The following ENG variants were observed in gnomAD, a reference collection of about 807,000 sequenced individuals.
The protein encoded by ENG is CD105 antigen.
ENG carries 17 observed loss-of-function variants against 71.0 expected under a neutral mutation model. That is an observed-to-expected ratio of 0.24 (90% CI 0.16 to 0.36). The LOEUF is 0.36. Among genes scored for constraint, ENG ranks in the 10% least tolerant of loss-of-function variants. The pLI is 1.00. For missense variants in ENG, 749 were observed against 868.3 expected (o/e 0.86, Z 1.73); for synonymous variants, 360 against 366.9 (o/e 0.98, Z 0.21).
At chr9:127,828,865 A>G (rs897457204) in intron 3 of ENG, among the ~76,000 whole-genome samples, 2 of 151,370 alleles carry the variant, frequency 1.3e-5, no homozygotes, top group Non-Finnish European at 2.9e-5. Flanking sequence ...CCCCTTTGCT[A>G]TCTTTGCTCT....
At chr9:127,816,333 G>C in intron 13 of ENG, 1 of 529,684 alleles carries the variant, frequency 1.9e-6, no homozygotes, top group Admixed American at 3.1e-5. Flanking sequence ...AGGGAGGATG[G>C]ATGGGGTAAC....
chr9:127,815,502 G>C lies in ENG; in HGVS notation c.*180C>G, dbSNP rs1036706837. The C allele has an allele frequency of 7.9e-7, 1 of 1,266,202 alleles. No homozygotes were observed. The highest frequency in any genetic ancestry group is 1.1e-6 in the Non-Finnish European group (1 of 943,992). 78.4% of individuals were successfully genotyped at this position (1,266,202 alleles called of 1,614,324 possible). ...CTGTGGGGTGGAGGGACCCCAAGGT[G>C]TTCCAAGCCAGTGGCTGCACTGGCA... On this transcript the variant is annotated 3_prime_UTR_variant, in exon 15 of 15. Coordinates refer to ENST00000373203, the MANE Select transcript of ENG (RefSeq NM_001114753.3).
chr9:127,815,656 T>C lies in ENG; in HGVS notation c.*26A>G. On this transcript the variant is annotated 3_prime_UTR_variant, in exon 15 of 15. Transcript: ENST00000373203. ...CAGCTGGCGGCTGCTCAGTCTCTCCTGCTGGGCGAGCGCGGGGGGCCGGGG... is the reference window on the plus strand; with the variant it reads ...CAGCTGGCGGCTGCTCAGTCTCTCCCGCTGGGCGAGCGCGGGGGGCCGGGG... 1 of 1,547,178 alleles carries C rather than the reference T, an allele frequency of 6.5e-7. No individual in the cohort carries two copies. The highest frequency in any genetic ancestry group is 8.7e-7 in the Non-Finnish European group (1 of 1,153,388).
chr9:127,819,749 G>C (rs1217767254), intron 9 of ENG, 89 bp from the exon 10 acceptor site: 6 of 1,588,836 alleles, frequency 3.8e-6, no homozygotes, highest in Non-Finnish European at 5.1e-6. Context: ...CAGATGGGGA[G>C]ACTAAGCCAA....
Position 127,846,338 on chromosome 9 carries a change from G to T in ENG, c.68-3093C>A, listed in dbSNP as rs191899317. On this transcript the variant is annotated intron_variant, in intron 1 of 14. Transcript: ENST00000373203. This position sits in a 1 kb window ranked among gnomAD's most constrained non-coding sequence, Gnocchi z 5.5. ...GGGAGACTGAGGTCTGGAGGGACGGGACAGGTCAAAGTCTCACAGCACATG... is the reference window on the plus strand; with the variant it reads ...GGGAGACTGAGGTCTGGAGGGACGGTACAGGTCAAAGTCTCACAGCACATG... 6.6e-6 allele frequency among the ~76,000 whole-genome samples: 1 copy of T among 152,286 alleles called. No homozygotes were observed. Among genetic ancestry groups the T allele is most frequent in the East Asian group, 1.9e-4 (1 of 5,188 alleles).
In ENG at chr9:127,826,786, G is replaced by T. The variant is rs930626363; in HGVS notation, c.361-114C>A. ...TCAGCCCATTGGCTGAGAGAAAGAG[G>T]CCGGAGCTGAGAATGCTGGCTGGTG... is the stretch of plus-strand genomic sequence containing the variant. On this transcript the variant is annotated intron_variant, in intron 3 of 14. Transcript: ENST00000373203. 2.2e-6 allele frequency: 3 copies of T among 1,391,270 alleles called. No homozygotes were observed. The African/African-American group carries it at 4.3e-5, about 20-fold the overall frequency. 86.2% of individuals were successfully genotyped at this position (1,391,270 alleles called of 1,614,324 possible).
chr9:127,818,022 G>A lies in ENG; in HGVS notation c.1686+98C>T, dbSNP rs1038649965. The A allele has an allele frequency of 1.2e-5, 19 of 1,586,946 alleles. No individual in the cohort carries two copies. In the African/African-American group the frequency reaches 1.9e-4, roughly 16 times the overall value. ...CTGATTAAGGCTCCGCCCCTCACCA[G>A]CTGGCCCCACATCCCTGTGGGCTGC... On this transcript the variant is annotated intron_variant, in intron 12 of 14. Coordinates refer to ENST00000373203, the MANE Select transcript of ENG (RefSeq NM_001114753.3).
intron 8 of ENG, among the ~76,000 whole-genome samples, chr9:127,822,813 C>CTAATTT (rs1389648867): frequency 6.6e-6 from 1 of 152,122 alleles, no homozygotes; most frequent in African/African-American, 2.4e-5. Context: ...TTAAGATTTT[C>CTAATTT]TAATTTTCAC....
chr9:127,851,466 C>T (rs943771509), intron 1 of ENG, among the ~76,000 whole-genome samples: 16 of 151,976 alleles, frequency 1.1e-4, no homozygotes, highest in South Asian at 2.1e-4. Context: ...GTGATCCACC[C>T]GCCTCAGCCT....
Position 127,815,923 on chromosome 9 carries a change from T to G in ENG, c.1852+20A>C. ...ATGGAGGGGCCCGGCATGCTCACTGTGGGGGCCTGGGGTACTCACGCGTGT... is the reference window on the plus strand; with the variant it reads ...ATGGAGGGGCCCGGCATGCTCACTGGGGGGGCCTGGGGTACTCACGCGTGT... On this transcript the variant is annotated intron_variant, in intron 14 of 14. Transcript: ENST00000373203. 1 of 1,587,682 alleles carries G rather than the reference T, an allele frequency of 6.3e-7. No individual in the cohort carries two copies. Among genetic ancestry groups the G allele is most frequent in the Non-Finnish European group, 8.6e-7 (1 of 1,167,652 alleles).
chr9:127,818,939 T>TA, intron 10 of ENG, 107 bp from the exon 11 acceptor site: 6 of 858,818 alleles, frequency 7.0e-6, no homozygotes, highest in Non-Finnish European at 1.1e-5. Context: ...TGCCTGACTC[T>TA]CTTTTTTTTT....
intron 7 of ENG, 135 bp downstream of exon 7, chr9:127,824,665 T>C (rs1830558246): frequency 8.7e-7 from 1 of 1,148,192 alleles, no homozygotes; most frequent in South Asian, 1.7e-5. Flanking sequence ...ATTGTTCCCA[T>C]GTGCAGATGA....
intron 3 of ENG, among the ~76,000 whole-genome samples, chr9:127,828,875 T>TC (rs1228348808): frequency 1.3e-5 from 2 of 151,978 alleles, no homozygotes; most frequent in Admixed American, 6.6e-5. Flanking sequence ...ATCTTTGCTC[T>TC]CCCCCGGGCT....
chr9:127,853,313 C>T (rs1197177618), intron 1 of ENG, among the ~76,000 whole-genome samples: 2 of 152,086 alleles, frequency 1.3e-5, no homozygotes, highest in African/African-American at 4.8e-5. Flanking sequence ...CCTTCCTCCC[C>T]ACACTCTCAG....
intron 3 of ENG, chr9:127,826,966 A>G: frequency 2.3e-6 from 1 of 430,024 alleles, no homozygotes; most frequent in South Asian, 2.2e-5. Flanking sequence ...CATCTACGCC[A>G]TCCTGCGGCT....
chr9:127,845,717 T>C (rs1475023422), intron 1 of ENG, among the ~76,000 whole-genome samples: 1 of 152,208 alleles, frequency 6.6e-6, no homozygotes, highest in East Asian at 1.9e-4. Context: ...TTCTATTTGT[T>C]TATTTTTCAG....
chr9:127,819,765 G>A (rs1210386961), intron 9 of ENG, 105 bp from the exon 10 acceptor site: 3 of 1,595,818 alleles, frequency 1.9e-6, no homozygotes, highest in African/African-American at 1.3e-5. Flanking sequence ...GCCAACCAAT[G>A]GCCAAGCTTG....
intron 12 of ENG, 156 bp from the exon 13 acceptor site, chr9:127,817,359 T>C: frequency 1.3e-6 from 1 of 764,250 alleles, no homozygotes; most frequent in Non-Finnish European, 2.3e-6. Flanking sequence ...TCCTGGAAGA[T>C]CTGTGCTGTG....
At position 127,843,163 on chromosome 9, in the gene ENG, C is replaced by T. The variant is rs377129516; in HGVS notation, c.150G>A (p.Ser50=). 15 of 1,614,240 alleles carry T rather than the reference C, an allele frequency of 9.3e-6. No individual in the cohort carries two copies. Among genetic ancestry groups the T allele is most frequent in the East Asian group, 4.5e-5 (2 of 44,894 alleles). ...TGGGGGCCTGAGCCACGCAGCCCTT[C>T]GAGACCTGGCTAGTGGTATATGTCA... ...GEVTYTTSQV[S]KGCVAQAPNA... Residue 50 remains serine (S), a synonymous_variant, in exon 2 of 15, where the codon TCG becomes TCA. Transcript: ENST00000373203.
Sources: gnomAD v4.1 joint callset for allele counts (sites outside exome capture counted in the v4.1 genomes callset) on GRCh38, gnomAD v4.1.1 for gene constraint, Gnocchi (gnomAD v3.1) non-coding constraint, MANE v1.5 for transcripts, NCBI Gene and HGNC (gene_info 2026-07-23, HGNC 2026-07-21) for gene names.